Variants in SLC38A11 observed in about 807,000 individuals in gnomAD.
SLC38A11 encodes solute carrier family 38 member 11, also known as putative sodium-coupled neutral amino acid transporter 11.
A neutral mutation model predicts 49.4 loss-of-function variants in SLC38A11; 51 were observed. The observed-to-expected ratio is 1.03, with a 90% CI of 0.83 to 1.30. The LOEUF (loss-of-function observed/expected upper bound fraction) is 1.30. Among genes scored for constraint, SLC38A11 ranks in the 50% most tolerant of loss-of-function variants. The pLI is 0.00. For synonymous variants in SLC38A11, 203 were observed against 192.9 expected, an observed-to-expected ratio of 1.05 and a Z score of -0.43; for missense variants, 574 against 556.2, an observed-to-expected ratio of 1.03 and a Z score of -0.32.
chr2:164,954,711 T>C lies in SLC38A11; in HGVS notation c.74A>G (p.Glu25Gly), dbSNP rs1397696392. 4 of 1,539,044 alleles carry C rather than the reference T, an allele frequency of 2.6e-6. No individual in the cohort carries two copies. Among genetic ancestry groups the C allele is most frequent in the Non-Finnish European group, 3.5e-6 (4 of 1,140,650 alleles). ...DLDDRETLVS[E>G]HEYKEKTCQS... is the part of the protein sequence containing the mutation. The stretch of plus-strand genomic sequence containing the variant: ...ACAGGTTTTCTCTTTATACTCATGT[T>C]CAGAAACAAGGGTTTCTCTGTCATC... The change falls in exon 2 of 12, where the codon GAA becomes GGA. Residue 25 changes from glutamate (E) to glycine (G), a missense_variant. Transcript: ENST00000685975.
intron 7 of SLC38A11, among the ~76,000 whole-genome samples, chr2:164,920,092 G>A (rs1686077046): frequency 6.6e-6 from 1 of 152,084 alleles, no homozygotes; most frequent in African/African-American, 2.4e-5. Flanking sequence ...TGACCAACAT[G>A]GTGAAACCCC....
intron 5 of SLC38A11, among the ~76,000 whole-genome samples, chr2:164,941,107 T>C (rs1438142105): frequency 6.6e-6 from 1 of 152,086 alleles, no homozygotes; most frequent in Non-Finnish European, 1.5e-5. Flanking sequence ...TGTTTTTCAC[T>C]AATGCTCTAA....
rs1684372053 is a variant in SLC38A11, at chr2:164,896,102, G to A, written c.*2335C>T. On this transcript the variant is annotated 3_prime_UTR_variant, in exon 12 of 12. Coordinates refer to ENST00000685975, the MANE Select transcript of SLC38A11 (RefSeq NM_001351537.2). ...TCAGGGGAATCTCTTATTGAACTGA[G>A]GCAGAAAATAGATTGAGGGGTGGGG... is the stretch of plus-strand genomic sequence containing the variant. 1.3e-5 allele frequency: 2 copies of A among 152,136 alleles called. No homozygotes were observed. Among genetic ancestry groups the A allele is most frequent in the Non-Finnish European group, 2.9e-5 (2 of 68,018 alleles). 9.4% of individuals were successfully genotyped at this position (152,136 alleles called of 1,614,324 possible).
intron 7 of SLC38A11, among the ~76,000 whole-genome samples, chr2:164,931,577 A>G (rs572104400): frequency 4.4e-4 from 67 of 152,300 alleles, no homozygotes; most frequent in African/African-American, 1.5e-3. Context: ...AAACAAACAC[A>G]TAGATCAATG....
chr2:164,949,740 G>A (rs1688391349), intron 3 of SLC38A11, among the ~76,000 whole-genome samples: 1 of 152,210 alleles, frequency 6.6e-6, no homozygotes, highest in South Asian at 2.1e-4. Flanking sequence ...CTATCAATGG[G>A]AAGATGGTGT....
intron 10 of SLC38A11, among the ~76,000 whole-genome samples, chr2:164,910,833 GGTACA>G: frequency 6.6e-6 from 1 of 152,130 alleles, no homozygotes; most frequent in Non-Finnish European, 1.5e-5. Flanking sequence ...ACTGCCGACT[GGTACA>G]GTGGATTTTT....
At chr2:164,911,770 G>A in intron 9 of SLC38A11, 22 bp from the exon 10 acceptor site, 2 of 1,341,544 alleles carry the variant, frequency 1.5e-6, no homozygotes, top group Non-Finnish European at 2.1e-6. Context: ...TATAAAATAA[G>A]TTTATTTACT....
At chr2:164,923,314 CA>C (rs1217845743) in intron 7 of SLC38A11, among the ~76,000 whole-genome samples, 1 of 152,134 alleles carries the variant, frequency 6.6e-6, no homozygotes, top group Non-Finnish European at 1.5e-5. Flanking sequence ...AAGATATTTA[CA>C]AACTCTGTAT....
intron 4 of SLC38A11, 139 bp downstream of exon 4, chr2:164,945,454 T>G: frequency 1.3e-6 from 1 of 759,382 alleles, no homozygotes; most frequent in Non-Finnish European, 1.9e-6. Context: ...AGAAAATGGT[T>G]AAAGAAGTAA....
chr2:164,908,823 T>G (rs1318424866), intron 10 of SLC38A11, 52 bp from the exon 11 acceptor site: 33 of 1,549,622 alleles, frequency 2.1e-5, no homozygotes, highest in Non-Finnish European at 2.8e-5. Context: ...CATGCAGGAT[T>G]TATTGAGGGA....
At chr2:164,952,015 G>C (rs1170226928) in intron 3 of SLC38A11, among the ~76,000 whole-genome samples, 1 of 152,174 alleles carries the variant, frequency 6.6e-6, no homozygotes, top group Non-Finnish European at 1.5e-5. Flanking sequence ...TCCTAAGGTA[G>C]AGGAGACGCC....
intron 7 of SLC38A11, among the ~76,000 whole-genome samples, chr2:164,931,043 A>T (rs1384087557): frequency 6.6e-6 from 1 of 152,038 alleles, no homozygotes; most frequent in East Asian, 1.9e-4. Flanking sequence ...CTGATAAACA[A>T]CTTCAGCAAA....
intron 6 of SLC38A11, among the ~76,000 whole-genome samples, chr2:164,938,068 A>G (rs752369604): frequency 6.6e-6 from 1 of 152,092 alleles, no homozygotes; most frequent in Non-Finnish European, 1.5e-5. Flanking sequence ...TGCACCCATT[A>G]TGCTAGGTTT....
chr2:164,942,815 C>T (rs529456032), intron 5 of SLC38A11, among the ~76,000 whole-genome samples: 1 of 152,242 alleles, frequency 6.6e-6, no homozygotes, highest in South Asian at 2.1e-4. Context: ...CTAGGAACTA[C>T]CTGTCTCACC....
rs1684450022 is a variant in SLC38A11 at position 164,898,563 on chromosome 2, T to C, written c.1263A>G (p.Gln421=). ...FGFVMAITNT[Q]DCTHGQEMFY... is the part of the protein sequence containing the mutation. ...ACATTTCCTGCCCATGGGTGCAGTC[T>C]TGAGTATTTGTAATAGCCATGACGA... Residue 421 remains glutamine (Q), a synonymous_variant, in exon 12 of 12, where the codon CAA becomes CAG. Transcript: ENST00000685975. 1 of 1,613,564 alleles carries C rather than the reference T, an allele frequency of 6.2e-7. No individual in the cohort carries two copies. Among genetic ancestry groups the C allele is most frequent in the Admixed American group, 1.7e-5 (1 of 59,900 alleles).
chr2:164,950,326 ATGGTATGAAGGCT>A (rs1317845946), intron 3 of SLC38A11, among the ~76,000 whole-genome samples: 1 of 152,164 alleles, frequency 6.6e-6, no homozygotes, highest in African/African-American at 2.4e-5. Flanking sequence ...AATTTCAGAG[ATGGTATGAAGGCT>A]TGCTGAAGAA....
chr2:164,928,955 G>A (rs1686789056), intron 7 of SLC38A11, among the ~76,000 whole-genome samples: 1 of 152,032 alleles, frequency 6.6e-6, no homozygotes, highest in South Asian at 2.1e-4. Flanking sequence ...GGAGGACTTT[G>A]GGTTCTAAGT....
intron 3 of SLC38A11, among the ~76,000 whole-genome samples, chr2:164,949,030 T>C (rs985687196): frequency 6.6e-6 from 1 of 151,582 alleles, no homozygotes; most frequent in African/African-American, 2.4e-5. Flanking sequence ...TAAAGTGGTA[T>C]AATTATTTTT....
At chr2:164,947,117 CTTTTTTTTTTTT>C (rs200284770) in intron 3 of SLC38A11, among the ~76,000 whole-genome samples, 256 of 72,900 alleles carry the variant, frequency 3.5e-3, no homozygotes, top group Non-Finnish European at 5.1e-3. Context: ...TTTTTTATCT[CTTTTTTTTTTTT>C]TTTTTTTTTT....
Sources: gnomAD v4.1 joint callset for allele counts (sites outside exome capture counted in the v4.1 genomes callset) on GRCh38, gnomAD v4.1.1 for gene constraint, MANE v1.5 for transcripts, NCBI Gene and HGNC (gene_info 2026-07-23, HGNC 2026-07-21) for gene names.